The following SYNPO variants were observed in gnomAD, a reference collection of about 807,000 sequenced individuals.
SYNPO encodes synaptopodin.
A neutral mutation model predicts 49.5 loss-of-function variants in SYNPO; 19 were observed. The observed-to-expected ratio is 0.38, with a 90% CI of 0.27 to 0.56. The LOEUF is 0.56. SYNPO is among the 20% of genes least tolerant of loss of function. The pLI, the probability that SYNPO is intolerant of heterozygous loss-of-function variation, is 0.68. For missense variants in SYNPO, 1,131 were observed against 1,248.3 expected (o/e 0.91, Z 1.42); for synonymous variants, 536 against 548.0 (o/e 0.98, Z 0.31).
intron 2 of SYNPO, among the ~76,000 whole-genome samples, chr5:150,630,291 G>T (rs541627682): frequency 3.7e-4 from 57 of 152,300 alleles, no homozygotes; most frequent in African/African-American, 1.2e-3. Context: ...CCATTGTACA[G>T]TTAGGGGAAA....
upstream of SYNPO, among the ~76,000 whole-genome samples, chr5:150,600,228 G>A (rs540891669): frequency 3.9e-5 from 6 of 152,366 alleles, no homozygotes; most frequent in South Asian, 2.1e-4. Flanking sequence ...GGGATCTGCC[G>A]GCCTGAAGGG....
intron 1 of SYNPO, chr5:150,615,503 G>T (rs905408102): frequency 2.0e-5 from 3 of 152,326 alleles, no homozygotes; most frequent in African/African-American, 7.2e-5. Flanking sequence ...GTATCCAAGT[G>T]CTTAGAATCA....
chr5:150,628,679 C>T lies in SYNPO; in HGVS notation c.400+9912C>T, dbSNP rs183326826. Among the ~76,000 whole-genome samples the T allele has an allele frequency of 1.1e-4, 16 of 152,340 alleles. No individual in the cohort carries two copies. The East Asian group carries it at 3.1e-3, about 29-fold the overall frequency. ...ATCCCAGCACTTTGGGAGGCCAAGG[C>T]AGGGGGATCACCTGAGGTCAGGGGT... On this transcript the variant is annotated intron_variant, in intron 2 of 2. Transcript: ENST00000394243.
intron 2 of SYNPO, among the ~76,000 whole-genome samples, chr5:150,621,572 C>A (rs1019212273): frequency 6.6e-6 from 1 of 152,190 alleles, no homozygotes; most frequent in Non-Finnish European, 1.5e-5. Flanking sequence ...AAGCTTCCTG[C>A]CATTACCGCC....
At chr5:150,601,705 G>A (rs188491568) in intron 1 of SYNPO, among the ~76,000 whole-genome samples, 11 of 152,282 alleles carry the variant, frequency 7.2e-5, no homozygotes, top group Admixed American at 3.9e-4. Context: ...GAGCTTGGGA[G>A]CCTGCTGGCT....
At chr5:150,588,367 A>G in the SYNPO span, among the ~76,000 whole-genome samples, 2 of 152,268 alleles carry the variant, frequency 1.3e-5, no homozygotes, top group African/African-American at 4.8e-5. Context: ...GAACTTTGTC[A>G]CTACCCTGGA....
At chr5:150,628,626 C>T (rs945109371) in intron 2 of SYNPO, among the ~76,000 whole-genome samples, 1 of 152,148 alleles carries the variant, frequency 6.6e-6, no homozygotes, top group Non-Finnish European at 1.5e-5. Context: ...GTTAAAATAG[C>T]GGTCAGGTGT....
In SYNPO at chr5:150,657,281, C is replaced by A; in HGVS notation, c.*194C>A. 1.6e-6 allele frequency: 1 copy of A among 644,736 alleles called. No homozygotes were observed. Among genetic ancestry groups the A allele is most frequent in the Non-Finnish European group, 2.6e-6 (1 of 382,790 alleles). The allele number at this position is 644,736 out of a possible 1,614,324, so 39.9% of individuals were successfully genotyped here. A position where few individuals can be genotyped will look rare whatever the true frequency, so the allele number is the denominator to read the frequency against. On this transcript the variant is annotated 3_prime_UTR_variant, in exon 3 of 3. Coordinates refer to ENST00000307662, the MANE Select transcript of SYNPO (RefSeq NM_007286.6). Reference sequence around the variant, plus strand: ...TTGCTCTCATTCAGCTGTTGTGTGACCCTGGGTAAGACCCTTCCTTGTTTG... The same window carrying A: ...TTGCTCTCATTCAGCTGTTGTGTGAACCTGGGTAAGACCCTTCCTTGTTTG...
At chr5:150,654,438 T>C (rs1758491801) in intron 2 of SYNPO, among the ~76,000 whole-genome samples, 1 of 152,136 alleles carries the variant, frequency 6.6e-6, no homozygotes, top group South Asian at 2.1e-4. Context: ...AGCTTCATTT[T>C]CATCATTTGT....
intron 1 of SYNPO, among the ~76,000 whole-genome samples, chr5:150,641,569 C>G (rs1757909931): frequency 6.6e-6 from 1 of 152,152 alleles, no homozygotes; most frequent in Admixed American, 6.5e-5. Context: ...TGTGGATCCT[C>G]CATCCACACG....
At chr5:150,611,962 T>A (rs1024712918) in intron 1 of SYNPO, among the ~76,000 whole-genome samples, 6 of 152,144 alleles carry the variant, frequency 3.9e-5, no homozygotes, top group Admixed American at 6.5e-5. Flanking sequence ...AGCAAGGTAA[T>A]GGAAAATGCT....
upstream of SYNPO, among the ~76,000 whole-genome samples, chr5:150,597,908 G>A (rs1244973501): frequency 1.3e-5 from 2 of 152,128 alleles, no homozygotes; most frequent in East Asian, 1.9e-4. Flanking sequence ...AAAATGCTGG[G>A]ATTACAGGCA....
At position 150,650,815 on chromosome 5, in the gene SYNPO, C is replaced by T. The variant is rs926758924; in HGVS notation, c.2028+512C>T. ...TCCCTCCTGAGGCTCAAGCTCCTGGCGTCTTTCTTCCTGTTGCTGGATTCT... is the reference window on the plus strand; with the variant it reads ...TCCCTCCTGAGGCTCAAGCTCCTGGTGTCTTTCTTCCTGTTGCTGGATTCT... On this transcript the variant is annotated intron_variant, in intron 2 of 2. Transcript: ENST00000307662. 98 of 1,280,744 alleles carry T rather than the reference C, an allele frequency of 7.7e-5. No individual in the cohort carries two copies. The highest frequency in any genetic ancestry group is 1.5e-4 in the African/African-American group (10 of 64,964). The allele number at this position is 1,280,744 out of a possible 1,614,324, so 79.3% of individuals were successfully genotyped here. A position where few individuals can be genotyped will look rare whatever the true frequency, so the allele number is the denominator to read the frequency against.
intron 1 of SYNPO, among the ~76,000 whole-genome samples, chr5:150,645,035 G>A (rs974219020): frequency 2.0e-5 from 3 of 152,202 alleles, no homozygotes; most frequent in Non-Finnish European, 2.9e-5. Context: ...CTGCTGTGAC[G>A]CTGCTGGTCA....
chr5:150,618,723 C>T (rs758320567), exon 2 of SYNPO: 5 of 1,551,398 alleles, frequency 3.2e-6, no homozygotes, highest in Middle Eastern at 1.7e-4. Flanking sequence ...ATGATGACAG[C>T]CAGCCCCAGC....
intron 1 of SYNPO, among the ~76,000 whole-genome samples, chr5:150,604,156 C>A (rs1190831614): frequency 6.6e-6 from 1 of 152,214 alleles, no homozygotes; most frequent in Admixed American, 6.5e-5. Flanking sequence ...AGCAGCTATA[C>A]CCAAGGCCAA....
chr5:150,627,754 T>C (rs1757403945), intron 2 of SYNPO, among the ~76,000 whole-genome samples: 1 of 152,030 alleles, frequency 6.6e-6, no homozygotes, highest in Non-Finnish European at 1.5e-5. Flanking sequence ...GGGGAAGGTG[T>C]ATCTGCAACT....
intron 2 of SYNPO, among the ~76,000 whole-genome samples, chr5:150,625,437 G>T (rs1422981805): frequency 6.6e-6 from 1 of 152,220 alleles, no homozygotes; most frequent in Non-Finnish European, 1.5e-5. Flanking sequence ...CTGGGGTCTG[G>T]CTGTGCCGGT....
the SYNPO span, among the ~76,000 whole-genome samples, chr5:150,594,425 G>A: frequency 6.6e-6 from 1 of 152,162 alleles, no homozygotes; most frequent in African/African-American, 2.4e-5. Flanking sequence ...AAGCTGGGCA[G>A]GATCCCTAAA....
Sources: gnomAD v4.1 joint callset for allele counts (sites outside exome capture counted in the v4.1 genomes callset) on GRCh38, gnomAD v4.1.1 for gene constraint, MANE v1.5 for transcripts, NCBI Gene and HGNC (gene_info 2026-07-23, HGNC 2026-07-21) for gene names.